Variants in HDAC9 observed in about 807,000 individuals in gnomAD.
HDAC9 encodes the protein MEF-2 interacting transcription repressor (MITR) protein.
HDAC9 carries 41 observed loss-of-function variants against 139.4 expected under a neutral mutation model. That is an observed-to-expected ratio of 0.29 (90% CI 0.23 to 0.38). The LOEUF (loss-of-function observed/expected upper bound fraction) is 0.38, where lower values mean the gene tolerates loss of function less well. Ranked by LOEUF, HDAC9 falls within the 10% of genes least tolerant of loss-of-function variation. The pLI, the probability that HDAC9 is intolerant of heterozygous loss-of-function variation, is 1.00. For missense variants in HDAC9, 1,147 were observed against 1,297.0 expected, an observed-to-expected ratio of 0.88 and a Z score of 1.78; for synonymous variants, 517 against 476.2, an observed-to-expected ratio of 1.09 and a Z score of -1.12.
chr7:18,681,165 G>A (rs943494411), intron 12 of HDAC9, among the ~76,000 whole-genome samples: 4 of 151,938 alleles, frequency 2.6e-5, no homozygotes, highest in African/African-American at 7.2e-5. Context: ...TTTGGTTCAT[G>A]TGTGTATTTT....
chr7:18,576,934 TGA>T (rs1455895730), intron 2 of HDAC9, among the ~76,000 whole-genome samples: 2 of 152,108 alleles, frequency 1.3e-5, no homozygotes, highest in African/African-American at 4.8e-5. Flanking sequence ...GGATCTGCAG[TGA>T]GAGAGAAAAA....
rs532683852 is a variant in HDAC9, at chr7:18,764,702, G to A, written c.2165-2404G>A. ...TGTGAATGTATAGAAATTCATAATC[G>A]TCAAGATGTTTTCTCTCTTTTTATC... is the stretch of plus-strand genomic sequence containing the variant. On this transcript the variant is annotated intron_variant, in intron 15 of 25. Coordinates refer to ENST00000686413, the MANE Select transcript of HDAC9 (RefSeq NM_178425.4). Among the ~76,000 whole-genome samples, 14 of 152,082 alleles carry A rather than the reference G, an allele frequency of 9.2e-5. No homozygotes were observed. In the South Asian group the frequency reaches 2.7e-3, roughly 29 times the overall value.
At chr7:18,530,518 A>C (rs981833249) in intron 2 of HDAC9, among the ~76,000 whole-genome samples, 2 of 152,114 alleles carry the variant, frequency 1.3e-5, no homozygotes, top group Non-Finnish European at 2.9e-5. Context: ...CCATTTAATG[A>C]GCTGGCAGGG....
At chr7:18,199,578 G>C (rs1459684671) in intron 2 of HDAC9, among the ~76,000 whole-genome samples, 1 of 151,946 alleles carries the variant, frequency 6.6e-6, no homozygotes, top group Non-Finnish European at 1.5e-5. Context: ...TTGAGGCCAG[G>C]AGTTTGCGAC....
chr7:18,869,147 G>GAT (rs1798715088), intron 21 of HDAC9, among the ~76,000 whole-genome samples: 2 of 138,128 alleles, frequency 1.4e-5, no homozygotes, highest in Admixed American at 7.3e-5. Context: ...TCACAATTGG[G>GAT]GTGTGTGTGT....
At chr7:18,634,943 A>G (rs1199340674) in intron 8 of HDAC9, among the ~76,000 whole-genome samples, 2 of 152,242 alleles carry the variant, frequency 1.3e-5, no homozygotes. Flanking sequence ...ATAAGAAATG[A>G]ACTGATATTT....
chr7:18,701,857 G>A (rs544144059), intron 12 of HDAC9, among the ~76,000 whole-genome samples: 6 of 152,216 alleles, frequency 3.9e-5, no homozygotes, highest in South Asian at 2.1e-4. Flanking sequence ...TATTGGAGAC[G>A]CACTTGGATT....
chr7:18,312,870 A>G (rs949196205), intron 1 of HDAC9, among the ~76,000 whole-genome samples: 2 of 152,168 alleles, frequency 1.3e-5, no homozygotes, highest in Non-Finnish European at 2.9e-5. Flanking sequence ...CAATTTGCTA[A>G]CAGTTTAATG....
chr7:18,849,172 A>G (rs1797105856), intron 21 of HDAC9, among the ~76,000 whole-genome samples: 1 of 152,224 alleles, frequency 6.6e-6, no homozygotes, highest in African/African-American at 2.4e-5. Context: ...TCACTTTAGT[A>G]AAATAAGTAC....
At chr7:18,281,426 C>T (rs957137178) in intron 2 of HDAC9, among the ~76,000 whole-genome samples, 16 of 152,094 alleles carry the variant, frequency 1.1e-4, no homozygotes, top group African/African-American at 2.7e-4. Flanking sequence ...CAAAGGATTC[C>T]GTAACTTCTA....
intron 8 of HDAC9, among the ~76,000 whole-genome samples, chr7:18,640,357 TAA>T (rs56655676): frequency 0.46 from 29,741 of 64,048 alleles, 6,044 homozygotes; most frequent in Non-Finnish European, 0.54. Flanking sequence ...GATCCTGTCT[TAA>T]AAAAAAAAAA....
intron 14 of HDAC9, among the ~76,000 whole-genome samples, chr7:18,755,122 A>C (rs1312068835): frequency 6.6e-6 from 1 of 152,172 alleles, no homozygotes; most frequent in Non-Finnish European, 1.5e-5. Context: ...AATTGTCTCT[A>C]AAGGATATGG....
At chr7:18,519,347 TA>T (rs1261765276) in intron 2 of HDAC9, among the ~76,000 whole-genome samples, 1 of 151,988 alleles carries the variant, frequency 6.6e-6, no homozygotes, top group African/African-American at 2.4e-5. Flanking sequence ...GACAGACAAA[TA>T]AAAAGTTACC....
At chr7:18,757,983 T>C (rs1007270244) in intron 14 of HDAC9, among the ~76,000 whole-genome samples, 1 of 152,208 alleles carries the variant, frequency 6.6e-6, no homozygotes. Context: ...AACATGATCA[T>C]ATTCCTAACC....
intron 1 of HDAC9, among the ~76,000 whole-genome samples, chr7:18,114,915 C>T (rs536564420): frequency 5.3e-5 from 8 of 152,196 alleles, no homozygotes; most frequent in South Asian, 4.1e-4. Context: ...ATATTAGAAA[C>T]GAGTGAAATT....
rs1376972805 is a variant in HDAC9 at position 18,591,489 on chromosome 7, G to C, written c.416-27G>C. 3.2e-6 allele frequency: 5 copies of C among 1,548,078 alleles called. No individual in the cohort carries two copies. In the South Asian group the frequency reaches 6.0e-5, roughly 19 times the overall value. On this transcript the variant is annotated intron_variant, in intron 4 of 25. Transcript: ENST00000686413. ...TCTGTGTGTGTATGTGTGTGTGTGT[G>C]TGTGTGTGTGTGTGTGTGTATTTCA...
intron 22 of HDAC9, among the ~76,000 whole-genome samples, chr7:18,902,817 T>C (rs905339176): frequency 5.9e-5 from 9 of 152,198 alleles, no homozygotes; most frequent in Admixed American, 1.3e-4. Context: ...TTCACACTAT[T>C]TATAAGTGAA....
At chr7:18,734,075 A>T (rs1562895974) in intron 13 of HDAC9, among the ~76,000 whole-genome samples, 3 of 152,298 alleles carry the variant, frequency 2.0e-5, no homozygotes, top group South Asian at 4.1e-4. Flanking sequence ...TACTTTAAAA[A>T]TTTAAGGTTT....
chr7:18,867,785 G>A (rs571789633), intron 21 of HDAC9, among the ~76,000 whole-genome samples: 50 of 152,026 alleles, frequency 3.3e-4, no homozygotes, highest in South Asian at 6.2e-4. Context: ...GTCTCTCAGG[G>A]ACTCCTATTA....
Sources: allele counts gnomAD v4.1 joint callset (sites outside exome capture counted in the v4.1 genomes callset), GRCh38; gene constraint gnomAD v4.1.1; transcripts MANE v1.5; gene names NCBI Gene and HGNC (gene_info 2026-07-23, HGNC 2026-07-21).